WIPF1: variants seen among roughly 807,000 people sequenced by gnomAD.
The protein encoded by WIPF1 is WAS/WASL interacting protein family member 1.
A neutral mutation model predicts 35.4 loss-of-function variants in WIPF1; 13 were observed. The ratio of observed to expected loss-of-function variants is 0.37; its 90% CI spans 0.24 to 0.58. The LOEUF (loss-of-function observed/expected upper bound fraction) is 0.58, where lower values mean the gene tolerates loss of function less well. Among genes scored for constraint, WIPF1 ranks in the 20% least tolerant of loss-of-function variants. WIPF1 has a pLI of 0.74. For synonymous variants in WIPF1, 267 were observed against 266.3 expected, an observed-to-expected ratio of 1.00 and a Z score of -0.02; for missense variants, 591 against 667.0, an observed-to-expected ratio of 0.89 and a Z score of 1.25.
intron 1 of WIPF1, among the ~76,000 whole-genome samples, chr2:174,647,000 G>A (rs934881613): frequency 6.6e-6 from 1 of 152,164 alleles, no homozygotes; most frequent in African/African-American, 2.4e-5. Flanking sequence ...GATTATCCCA[G>A]AGAGGTACAG....
At chr2:174,570,209 G>C (rs978511111) in intron 5 of WIPF1, among the ~76,000 whole-genome samples, 1 of 152,098 alleles carries the variant, frequency 6.6e-6, no homozygotes, top group Non-Finnish European at 1.5e-5. Context: ...TCAGGCTGTA[G>C]AATAATCATA....
At chr2:174,644,347 A>C (rs1444637799) in intron 1 of WIPF1, among the ~76,000 whole-genome samples, 1 of 152,170 alleles carries the variant, frequency 6.6e-6, no homozygotes, top group Non-Finnish European at 1.5e-5. Flanking sequence ...TGTTAATAAG[A>C]ATAATTGTAT....
intron 1 of WIPF1, among the ~76,000 whole-genome samples, chr2:174,657,472 G>C (rs964815884): frequency 2.0e-5 from 3 of 152,196 alleles, no homozygotes; most frequent in Admixed American, 1.3e-4. Context: ...TCAGCTCCCA[G>C]GGTTTTCAAA....
intron 1 of WIPF1, among the ~76,000 whole-genome samples, chr2:174,631,403 C>G (rs1687015932): frequency 6.6e-6 from 1 of 151,954 alleles, no homozygotes; most frequent in South Asian, 2.1e-4. Flanking sequence ...ATATGAGGTA[C>G]CTAGAAAAGT....
chr2:174,592,336 A>G (rs1685640956), intron 1 of WIPF1, among the ~76,000 whole-genome samples: 1 of 152,192 alleles, frequency 6.6e-6, no homozygotes, highest in Non-Finnish European at 1.5e-5. Flanking sequence ...GCTTTATCCA[A>G]TTACATTTAT....
intron 1 of WIPF1, among the ~76,000 whole-genome samples, chr2:174,646,941 G>C (rs1687422928): frequency 6.6e-6 from 1 of 152,128 alleles, no homozygotes; most frequent in African/African-American, 2.4e-5. Flanking sequence ...AGGGTGTTTT[G>C]CATGCAGGAA....
intron 1 of WIPF1, among the ~76,000 whole-genome samples, chr2:174,611,968 C>T (rs948019716): frequency 3.9e-5 from 6 of 152,152 alleles, no homozygotes; most frequent in African/African-American, 1.4e-4. Flanking sequence ...ATGATCAACT[C>T]GCTGCAGCTT....
chr2:174,622,387 A>G lies in WIPF1; in HGVS notation c.-38-36776T>C, dbSNP rs188753664. On this transcript the variant is annotated intron_variant, in intron 1 of 8. Transcript: ENST00000272746. The surrounding 1 kb of genome is among the most constrained non-coding windows in gnomAD (Gnocchi z 5.1). ...CTATATCCATGAAATCATGAATTTCATATGTTGTTGTACATTTTTTCTACT... is the reference window on the plus strand; with the variant it reads ...CTATATCCATGAAATCATGAATTTCGTATGTTGTTGTACATTTTTTCTACT... Among the ~76,000 whole-genome samples, 3 of 152,372 alleles carry G rather than the reference A, an allele frequency of 2.0e-5. No individual in the cohort carries two copies. The highest frequency in any genetic ancestry group is 1.9e-4 in the East Asian group (1 of 5,196).
chr2:174,647,061 AGGT>A (rs1687425930), intron 1 of WIPF1, among the ~76,000 whole-genome samples: 2 of 152,194 alleles, frequency 1.3e-5, no homozygotes, highest in South Asian at 4.1e-4. Context: ...TTGAGCCTGG[AGGT>A]GGTGAAGCAC....
At chr2:174,620,785 C>T (rs772034500) in intron 1 of WIPF1, among the ~76,000 whole-genome samples, 13 of 152,066 alleles carry the variant, frequency 8.5e-5, no homozygotes, top group African/African-American at 2.7e-4. Context: ...GTGGGGGTGC[C>T]GGAGCAATGA....
chr2:174,634,844 G>C (rs749082489), intron 1 of WIPF1, among the ~76,000 whole-genome samples: 1 of 152,190 alleles, frequency 6.6e-6, no homozygotes, highest in Non-Finnish European at 1.5e-5. Context: ...GGGGAAGGGA[G>C]AGACAGTCTT....
intron 1 of WIPF1, chr2:174,656,156 C>T (rs1687636375): frequency 6.6e-6 from 1 of 152,386 alleles, no homozygotes; most frequent in Non-Finnish European, 1.5e-5. Context: ...CCCAGCCATC[C>T]CTGTTTCCCA....
intron 1 of WIPF1, among the ~76,000 whole-genome samples, chr2:174,671,410 C>A (rs1688015313): frequency 6.6e-6 from 1 of 152,104 alleles, no homozygotes; most frequent in Admixed American, 6.5e-5. Flanking sequence ...GCATTAACTG[C>A]ACCAATTGTT....
rs1272268216 is a variant in WIPF1 at position 174,590,725 on chromosome 2, T to TCCTAC, written c.-38-5119_-38-5115dup. 2.0e-5 allele frequency among the ~76,000 whole-genome samples: 3 copies of TCCTAC among 152,206 alleles called. No homozygotes were observed. The East Asian group carries it at 5.8e-4, about 29-fold the overall frequency. ...CCTACCCACTTGCTGGGCCTTGCCC[T>TCCTAC]CCTACCCCACCCCAACCCAAGCAAT... On this transcript the variant is annotated intron_variant, in intron 1 of 7. Transcript: ENST00000679041. This position sits in a 1 kb window ranked among gnomAD's most constrained non-coding sequence, Gnocchi z 4.6.
intron 1 of WIPF1, among the ~76,000 whole-genome samples, chr2:174,619,580 C>CAATTT: frequency 6.6e-6 from 1 of 152,266 alleles, no homozygotes; most frequent in Middle Eastern, 3.4e-3. Flanking sequence ...AGAGTTTGAA[C>CAATTT]AATTTAAGTT....
At chr2:174,668,507 C>A (rs1035066793) in intron 1 of WIPF1, among the ~76,000 whole-genome samples, 16 of 152,170 alleles carry the variant, frequency 1.1e-4, no homozygotes, top group African/African-American at 3.4e-4. Context: ...CTAGTCAGTG[C>A]CACCAGTTTT....
intron 1 of WIPF1, among the ~76,000 whole-genome samples, chr2:174,669,257 T>C (rs1325909480): frequency 1.3e-5 from 2 of 152,230 alleles, no homozygotes; most frequent in Non-Finnish European, 2.9e-5. Flanking sequence ...TATGTTCCCA[T>C]GCATTCCTGA....
intron 1 of WIPF1, among the ~76,000 whole-genome samples, chr2:174,645,794 C>T (rs894404539): frequency 1.3e-5 from 2 of 152,216 alleles, no homozygotes; most frequent in African/African-American, 4.8e-5. Context: ...CTGATGCCAA[C>T]AACCAAACTG....
chr2:174,588,574 T>G (rs983640072), intron 1 of WIPF1, among the ~76,000 whole-genome samples: 4 of 152,194 alleles, frequency 2.6e-5, no homozygotes, highest in Non-Finnish European at 4.4e-5. Flanking sequence ...GTCTGTGCAC[T>G]AACTGACTTG....
Sources: gnomAD v4.1 joint callset for allele counts (sites outside exome capture counted in the v4.1 genomes callset) on GRCh38, gnomAD v4.1.1 for gene constraint, Gnocchi (gnomAD v3.1) non-coding constraint, MANE v1.5 for transcripts, NCBI Gene and HGNC (gene_info 2026-07-23, HGNC 2026-07-21) for gene names.